The following EVL variants were observed in gnomAD, a reference collection of about 807,000 sequenced individuals.
EVL encodes ena/VASP-like protein.
In EVL, 21 loss-of-function variants were observed where a neutral mutation model predicts 59.6. That is an observed-to-expected ratio of 0.35 (90% CI 0.25 to 0.51). EVL has a LOEUF of 0.51. EVL is among the 20% of genes least tolerant of loss of function. The pLI is 0.97. For missense variants in EVL, 462 were observed against 546.6 expected (o/e 0.85, Z 1.54); for synonymous variants, 198 against 203.5 (o/e 0.97, Z 0.23).
chr14:100,143,550 C>T (rs186943475), intron 13 of EVL, 151 bp from the exon 14 acceptor site: 12 of 893,580 alleles, frequency 1.3e-5, no homozygotes, highest in African/African-American at 4.8e-5. Flanking sequence ...GTCATCACCC[C>T]AGAGGTCTAT....
intron 4 of EVL, 95 bp downstream of exon 4, chr14:100,123,697 AG>A (rs1303616539): frequency 3.1e-6 from 4 of 1,283,242 alleles, no homozygotes; most frequent in Admixed American, 1.8e-5. Context: ...CCAGCAGCCA[AG>A]GCCAGGACTC....
intron 1 of EVL, among the ~76,000 whole-genome samples, chr14:99,985,218 G>A (rs2060832419): frequency 1.3e-5 from 2 of 151,856 alleles, no homozygotes; most frequent in Admixed American, 1.3e-4. Context: ...GCCTCAAGGA[G>A]TTTATAGCCA....
chr14:100,006,014 C>CT (rs1566967156), intron 1 of EVL, among the ~76,000 whole-genome samples: 1 of 149,720 alleles, frequency 6.7e-6, no homozygotes, highest in Non-Finnish European at 1.5e-5. Flanking sequence ...CCATTTCCCC[C>CT]CCCCCCCCCA....
At chr14:100,037,123 G>A (rs879598396) in intron 1 of EVL, among the ~76,000 whole-genome samples, 1 of 152,194 alleles carries the variant, frequency 6.6e-6, no homozygotes, top group Non-Finnish European at 1.5e-5. Flanking sequence ...CCAGTCTGTG[G>A]TATTTTGTTA....
rs576617621 is a variant in EVL, at chr14:100,105,111, G to A, written c.358+7453G>A. On this transcript the variant is annotated intron_variant, in intron 3 of 13. Coordinates refer to ENST00000392920, the MANE Select transcript of EVL (RefSeq NM_016337.3). ...TGGGCAGCTGCAGCCAGTGCCCTTG[G>A]CCCTGCATGTTTACTCAATCATGCT... Among the ~76,000 whole-genome samples, 5 of 151,886 alleles carry A rather than the reference G, an allele frequency of 3.3e-5. No homozygotes were observed. In the South Asian group the frequency reaches 8.3e-4, roughly 25 times the overall value.
At chr14:100,009,867 G>T (rs919377218) in intron 1 of EVL, among the ~76,000 whole-genome samples, 6 of 152,226 alleles carry the variant, frequency 3.9e-5, no homozygotes, top group African/African-American at 1.4e-4. Context: ...CTTCCAGGCT[G>T]TAGGTAAATT....
chr14:100,016,356 C>G (rs2061050078), intron 1 of EVL, among the ~76,000 whole-genome samples: 1 of 152,142 alleles, frequency 6.6e-6, no homozygotes, highest in African/African-American at 2.4e-5. Flanking sequence ...TGGTGAAACC[C>G]CGTCTCTACT....
intron 3 of EVL, among the ~76,000 whole-genome samples, chr14:100,121,187 T>C (rs1887674514): frequency 6.6e-6 from 1 of 152,146 alleles, no homozygotes; most frequent in South Asian, 2.1e-4. Flanking sequence ...GAGCCTTCCT[T>C]AGCTACTCCT....
intron 6 of EVL, 33 bp from the exon 7 acceptor site, chr14:100,129,530 C>T: frequency 6.2e-7 from 1 of 1,611,962 alleles, no homozygotes; most frequent in Non-Finnish European, 8.5e-7. Flanking sequence ...CCATCAGCAG[C>T]AGAATCTAAA....
intron 1 of EVL, among the ~76,000 whole-genome samples, chr14:100,084,069 T>TC (rs780651916): frequency 2.6e-5 from 4 of 151,130 alleles, no homozygotes; most frequent in Non-Finnish European, 2.9e-5. Flanking sequence ...TTTTTTTTTT[T>TC]CCGAGACAGT....
intron 1 of EVL, among the ~76,000 whole-genome samples, chr14:100,079,401 A>G (rs532144445): frequency 4.5e-4 from 68 of 152,348 alleles, no homozygotes; most frequent in South Asian, 1.7e-3. Flanking sequence ...TACAGCATAC[A>G]GGGACTGGCT....
At chr14:100,142,422 G>A (rs1487614100) in intron 13 of EVL, among the ~76,000 whole-genome samples, 1 of 152,244 alleles carries the variant, frequency 6.6e-6, no homozygotes, top group Non-Finnish European at 1.5e-5. Context: ...TGCAGCCAGA[G>A]GAAAAGGGGG....
intron 1 of EVL, among the ~76,000 whole-genome samples, chr14:100,058,301 T>C (rs2061766986): frequency 6.6e-6 from 1 of 152,240 alleles, no homozygotes; most frequent in South Asian, 2.1e-4. Context: ...TTTACTGTTT[T>C]CAAAATCCAA....
At chr14:99,981,715 A>G (rs1258678293) in intron 1 of EVL, among the ~76,000 whole-genome samples, 1 of 152,250 alleles carries the variant, frequency 6.6e-6, no homozygotes, top group Non-Finnish European at 1.5e-5. Context: ...ATGCAGTAGC[A>G]CTATGTCTAG....
At chr14:99,973,833 C>G (rs2060752025) in intron 1 of EVL, among the ~76,000 whole-genome samples, 1 of 152,146 alleles carries the variant, frequency 6.6e-6, no homozygotes, top group Non-Finnish European at 1.5e-5. Flanking sequence ...ACCAGAAATT[C>G]ATTTTTGTGT....
intron 1 of EVL, among the ~76,000 whole-genome samples, chr14:100,031,771 C>T (rs2061318489): frequency 6.6e-6 from 1 of 152,260 alleles, no homozygotes; most frequent in Non-Finnish European, 1.5e-5. Flanking sequence ...CTCTGCCCCC[C>T]ATCTTCATCA....
chr14:100,141,833 G>A, intron 13 of EVL, 40 bp downstream of exon 13: 2 of 1,601,374 alleles, frequency 1.2e-6, no homozygotes, highest in Non-Finnish European at 1.7e-6. Context: ...ACCCAGGTGT[G>A]GCCGCAGGAC....
At chr14:99,991,245 AT>A (rs1303638067) in intron 1 of EVL, among the ~76,000 whole-genome samples, 2 of 152,168 alleles carry the variant, frequency 1.3e-5, no homozygotes, top group African/African-American at 4.8e-5. Context: ...GCTTATTTTA[AT>A]TTAACCCTTT....
intron 1 of EVL, among the ~76,000 whole-genome samples, chr14:100,012,063 GC>G (rs2061019987): frequency 6.6e-6 from 1 of 152,150 alleles, no homozygotes; most frequent in South Asian, 2.1e-4. Context: ...TGGGACCACA[GC>G]CCAGCTATTC....
Sources: gnomAD v4.1 joint callset for allele counts (sites outside exome capture counted in the v4.1 genomes callset) on GRCh38, gnomAD v4.1.1 for gene constraint, MANE v1.5 for transcripts, NCBI Gene and HGNC (gene_info 2026-07-23, HGNC 2026-07-21) for gene names.